Variants in TIAM1 observed in about 807,000 individuals in gnomAD.
TIAM1 encodes TIAM Rac1 associated GEF 1.
Under a neutral mutation model 163.5 loss-of-function variants are expected in TIAM1, and 65 were observed. The ratio of observed to expected loss-of-function variants is 0.40; its 90% CI spans 0.33 to 0.49. The LOEUF (loss-of-function observed/expected upper bound fraction) is 0.49, where lower values mean the gene tolerates loss of function less well. Ranked by LOEUF, TIAM1 falls within the 20% of genes least tolerant of loss-of-function variation. The pLI is 0.77. For missense variants in TIAM1, 1,789 were observed against 2,044.7 expected, an observed-to-expected ratio of 0.87 and a Z score of 2.41; for synonymous variants, 833 against 810.1, an observed-to-expected ratio of 1.03 and a Z score of -0.48.
Position 31,339,369 on chromosome 21 carries a change from C to T in TIAM1, c.-315G>A, listed in dbSNP as rs1209203394. The T allele has an allele frequency of 1.3e-5, 5 of 398,510 alleles. No homozygotes were observed. Among genetic ancestry groups the T allele is most frequent in the Non-Finnish European group, 2.2e-5 (5 of 226,102 alleles). The allele number at this position is 398,510 out of a possible 1,614,324, so 24.7% of individuals were successfully genotyped here. ...CATGGTACCAACCAGCCTCCTCTTC[C>T]TCCTCCTGGGCTTCAGGTCTAGAAA... On this transcript the variant is annotated 5_prime_UTR_variant, in exon 2 of 28. Transcript: ENST00000541036.
chr21:31,368,883 A>G (rs1732202273), intron 2 of TIAM1, among the ~76,000 whole-genome samples: 1 of 152,254 alleles, frequency 6.6e-6, no homozygotes, highest in Non-Finnish European at 1.5e-5. Context: ...CAAACTTCAG[A>G]ATGTAAGATA....
rs149745656 is a variant in TIAM1 at position 31,370,728 on chromosome 21, T to C, written c.-368-31306A>G. Among the ~76,000 whole-genome samples, 527 of 152,332 alleles carry C rather than the reference T, an allele frequency of 3.5e-3. 3 individuals are homozygous for C. The highest frequency in any genetic ancestry group is 0.012 in the African/African-American group (482 of 41,582). The stretch of plus-strand genomic sequence containing the variant: ...GGGTGGCCTGAGGGTGTGTGTGGCC[T>C]GCAGACATATTTTGTTTGGACAGTG... On this transcript the variant is annotated intron_variant, in intron 2 of 28. Coordinates refer to the TIAM1 transcript ENST00000286827.
In TIAM1 at chr21:31,195,231, A is replaced by G; in HGVS notation, c.2568T>C (p.Asp856=). 1 of 1,611,534 alleles carries G rather than the reference A, an allele frequency of 6.2e-7. No homozygotes were observed. Among genetic ancestry groups the G allele is most frequent in the Non-Finnish European group, 8.5e-7 (1 of 1,177,926 alleles). ...AAAGAAAAATAAACTTACCGTAAGTATCAGCAGCTGTATCTGACTTCTCAA... is the reference window on the plus strand; with the variant it reads ...AAAGAAAAATAAACTTACCGTAAGTGTCAGCAGCTGTATCTGACTTCTCAA... The part of the protein sequence containing the change: ...IHIEKSDTAA[D]TYGFSLSSVE... Residue 856 remains aspartate (D), a synonymous_variant, in exon 13 of 28, where the codon GAT becomes GAC. Transcript: ENST00000541036.
At chr21:31,536,846 G>A (rs2048151906) in intron 1 of TIAM1, among the ~76,000 whole-genome samples, 1 of 152,196 alleles carries the variant, frequency 6.6e-6, no homozygotes, top group Non-Finnish European at 1.5e-5. Context: ...AGGACAAGAT[G>A]GCAGGGACCA....
intron 2 of TIAM1, among the ~76,000 whole-genome samples, chr21:31,280,034 A>G (rs1011853381): frequency 3.4e-4 from 51 of 151,426 alleles, no homozygotes; most frequent in East Asian, 9.7e-4. Context: ...GCGTGCGCGC[A>G]CACACACACA....
chr21:31,206,885 T>TTACTGCATA (rs1388892641), intron 11 of TIAM1, among the ~76,000 whole-genome samples: 5 of 152,142 alleles, frequency 3.3e-5, no homozygotes, highest in Non-Finnish European at 4.4e-5. Context: ...AAACATGCAA[T>TTACTGCATA]TACTGCATAC....
chr21:31,152,800 T>C (rs2083441746), intron 18 of TIAM1, 39 bp from the exon 19 acceptor site: 2 of 1,605,682 alleles, frequency 1.2e-6, no homozygotes, highest in Non-Finnish European at 1.7e-6. Context: ...TCATATCTCA[T>C]TAGTCTTCCT....
At chr21:31,479,415 G>A (rs539308383) in intron 1 of TIAM1, among the ~76,000 whole-genome samples, 51 of 150,548 alleles carry the variant, frequency 3.4e-4, no homozygotes, top group African/African-American at 1.1e-3. Context: ...AGGGGCGGGC[G>A]GATGGACGGA....
chr21:31,400,490 T>C (rs1292430650), intron 2 of TIAM1, among the ~76,000 whole-genome samples: 1 of 152,118 alleles, frequency 6.6e-6, no homozygotes, highest in African/African-American at 2.4e-5. Context: ...AAATATACAC[T>C]CCAGGAGAGC....
At chr21:31,260,853 A>G (rs2072429705) in intron 4 of TIAM1, among the ~76,000 whole-genome samples, 1 of 152,156 alleles carries the variant, frequency 6.6e-6, no homozygotes, top group Non-Finnish European at 1.5e-5. Context: ...GGACCTATGG[A>G]TCCCTTGAAA....
At chr21:31,507,718 C>CAG (rs2047079514) in intron 1 of TIAM1, among the ~76,000 whole-genome samples, 1 of 152,156 alleles carries the variant, frequency 6.6e-6, no homozygotes, top group South Asian at 2.1e-4. Flanking sequence ...AGACAGGAAT[C>CAG]AGATCACAGG....
intron 2 of TIAM1, among the ~76,000 whole-genome samples, chr21:31,451,718 C>CGTGTGTGTGTGTGT (rs59110882): frequency 1.4e-5 from 2 of 142,166 alleles, no homozygotes; most frequent in African/African-American, 2.6e-5. Context: ...CATGTGTGTG[C>CGTGTGTGTGTGTGT]GTGTGTGTGT....
chr21:31,324,101 C>T lies in TIAM1; in HGVS notation c.-189+15142G>A, dbSNP rs558819736. Among the ~76,000 whole-genome samples the T allele has an allele frequency of 6.6e-5, 10 of 152,024 alleles. No individual in the cohort carries two copies. The South Asian group carries it at 2.1e-3, about 32-fold the overall frequency. ...AGGATTTTAGGGCAGTGAAACTATT[C>T]TGAATGATACTGTAATGGTGGGTAC... On this transcript the variant is annotated intron_variant, in intron 2 of 27. Coordinates refer to ENST00000541036, the MANE Select transcript of TIAM1 (RefSeq NM_001353694.2).
intron 20 of TIAM1, among the ~76,000 whole-genome samples, chr21:31,145,351 A>T (rs553932064): frequency 7.9e-5 from 12 of 152,332 alleles, no homozygotes; most frequent in Middle Eastern, 6.8e-3. Context: ...GGCAGCAAAC[A>T]TAAACACAAG....
At chr21:31,305,034 A>G (rs1285662312) in intron 2 of TIAM1, among the ~76,000 whole-genome samples, 1 of 152,166 alleles carries the variant, frequency 6.6e-6, no homozygotes, top group Non-Finnish European at 1.5e-5. Flanking sequence ...TCTCCAATAA[A>G]TATCTTTCAT....
At position 31,119,748 on chromosome 21, in the gene TIAM1, T is replaced by C. The variant is rs577276767; in HGVS notation, c.*620A>G. The C allele has an allele frequency of 6.6e-6, 1 of 151,520 alleles. No homozygotes were observed. Among genetic ancestry groups the C allele is most frequent in the Admixed American group, 6.6e-5 (1 of 15,174 alleles). The allele number at this position is 151,520 out of a possible 1,614,324, so 9.4% of individuals were successfully genotyped here. The stretch of plus-strand genomic sequence containing the variant: ...AGAGTTTGGCATCTCTATAATTCTA[T>C]GCAAAACTAGAGCTTCCGAACATGG... On this transcript the variant is annotated 3_prime_UTR_variant, in exon 28 of 28. Transcript: ENST00000541036.
chr21:31,177,056 T>C (rs942253513), intron 15 of TIAM1, among the ~76,000 whole-genome samples: 4 of 152,218 alleles, frequency 2.6e-5, no homozygotes, highest in Admixed American at 6.5e-5. Flanking sequence ...GGGAGAATAC[T>C]GAAAAAGAGC....
At chr21:31,411,347 T>C (rs1305947237) in intron 2 of TIAM1, among the ~76,000 whole-genome samples, 1 of 152,140 alleles carries the variant, frequency 6.6e-6, no homozygotes, top group Non-Finnish European at 1.5e-5. Flanking sequence ...GCAAACTTCT[T>C]GTAAGAGGCC....
chr21:31,189,968 G>T (rs1411039028), intron 13 of TIAM1, among the ~76,000 whole-genome samples: 1 of 152,144 alleles, frequency 6.6e-6, no homozygotes, highest in Non-Finnish European at 1.5e-5. Context: ...CAAAATGATT[G>T]CCAACAGGGG....
Sources: gnomAD v4.1 joint callset for allele counts (sites outside exome capture counted in the v4.1 genomes callset) on GRCh38, gnomAD v4.1.1 for gene constraint, MANE v1.5 for transcripts, NCBI Gene and HGNC (gene_info 2026-07-23, HGNC 2026-07-21) for gene names.